The following PIAS2 variants were observed in gnomAD, a reference collection of about 807,000 sequenced individuals.
PIAS2 encodes the protein protein inhibitor of activated STAT 2, also known as E3 SUMO-protein ligase PIAS2.
In PIAS2, 19 loss-of-function variants were observed where a neutral mutation model predicts 69.7. The ratio of observed to expected loss-of-function variants is 0.27; its 90% confidence interval spans 0.19 to 0.40. PIAS2 has a LOEUF of 0.40. Among genes scored for constraint, PIAS2 ranks in the 10% least tolerant of loss-of-function variants. The pLI, the probability that PIAS2 is intolerant of heterozygous loss-of-function variation, is 1.00. For synonymous variants in PIAS2, 261 were observed against 263.2 expected (o/e 0.99, Z 0.08); for missense variants, 624 against 757.0 (o/e 0.82, Z 2.06).
intron 11 of PIAS2, among the ~76,000 whole-genome samples, chr18:46,826,072 T>G (rs930153620): frequency 1.3e-5 from 2 of 152,248 alleles, no homozygotes; most frequent in Non-Finnish European, 2.9e-5. Context: ...TACATCAGCT[T>G]CATGGAACGA....
At chr18:46,853,460 G>C (rs1020468822) in intron 5 of PIAS2, 4 of 152,224 alleles carry the variant, frequency 2.6e-5, no homozygotes, top group African/African-American at 9.7e-5. Flanking sequence ...AAGTAGGGCT[G>C]CTTCTTCCCT....
rs753201292 is a variant in PIAS2, at chr18:46,805,400, G to T, written c.*7033C>A. ...ATAATAATGACCAGAATCAAGGAAG[G>T]CAAGGAACACTGTGAGTCAAAGCTT... is the stretch of plus-strand genomic sequence containing the variant. On this transcript the variant is annotated 3_prime_UTR_variant, in exon 14 of 14. Coordinates refer to ENST00000585916, the MANE Select transcript of PIAS2 (RefSeq NM_004671.5). 1 of 152,198 alleles carries T rather than the reference G, an allele frequency of 6.6e-6. No homozygotes were observed. Among genetic ancestry groups the T allele is most frequent in the Non-Finnish European group, 1.5e-5 (1 of 68,052 alleles). The allele number at this position is 152,198 out of a possible 1,614,324, so 9.4% of individuals were successfully genotyped here.
At chr18:46,840,854 T>C (rs1241427523) in intron 8 of PIAS2, among the ~76,000 whole-genome samples, 1 of 152,218 alleles carries the variant, frequency 6.6e-6, no homozygotes, top group African/African-American at 2.4e-5. Context: ...CTATAAAATG[T>C]TAAGCTGGCA....
At position 46,872,299 on chromosome 18, in the gene PIAS2, T is replaced by C. The variant is rs186870653; in HGVS notation, c.500-8051A>G. Among the ~76,000 whole-genome samples the C allele has an allele frequency of 5.7e-4, 87 of 152,346 alleles. 1 individual carries two copies. The highest frequency in any genetic ancestry group is 1.5e-3 in the Admixed American group (23 of 15,304). On this transcript the variant is annotated intron_variant, in intron 2 of 13. Transcript: ENST00000585916. ...CCATCAATGGTTTACAGTGATAGAC[T>C]TAAAAGACACCTTCTAGGCATGCCC... is the stretch of plus-strand genomic sequence containing the variant.
intron 2 of PIAS2, among the ~76,000 whole-genome samples, chr18:46,886,973 G>A (rs2053310262): frequency 6.6e-6 from 1 of 152,114 alleles, no homozygotes; most frequent in African/African-American, 2.4e-5. Context: ...ATAGCACCCA[G>A]TAAAGGCAAA....
chr18:46,879,357 C>T (rs1273581783), intron 2 of PIAS2, among the ~76,000 whole-genome samples: 1 of 146,316 alleles, frequency 6.8e-6, no homozygotes, highest in East Asian at 2.0e-4. Context: ...AATGCAATGC[C>T]ACCTCACACC....
intron 5 of PIAS2, 102 bp from the exon 6 acceptor site, chr18:46,846,943 T>C (rs2046245332): frequency 2.0e-6 from 2 of 1,019,960 alleles, no homozygotes; most frequent in East Asian, 2.9e-5. Flanking sequence ...AGTTACACTA[T>C]TTTTATTTTA....
chr18:46,863,655 T>C (rs1047301792), intron 3 of PIAS2, among the ~76,000 whole-genome samples: 7 of 152,194 alleles, frequency 4.6e-5, no homozygotes, highest in African/African-American at 1.2e-4. Context: ...CTAAAAGACA[T>C]TGAGGTTTTA....
chr18:46,828,065 C>T lies in PIAS2; in HGVS notation c.1402G>A (p.Asp468Asn). Residue 468 changes from aspartate (D) to asparagine (N), a missense_variant, in exon 11 of 14, where the codon GAT (aspartate) becomes AAT (asparagine). Around this residue, in one of 3 missense-constraint regions of PIAS2, gnomAD observed 241 missense variants for 257.3 expected, o/e 0.94. Transcript: ENST00000585916. ...CTTTCTATTGTAAGATCAATAACAT[C>T]TACTTTCTTCTTGCTTGCCTCACTG... ...VASEASKKKVDVIDLTIESSS... is the reference protein window; with the variant it reads ...VASEASKKKVNVIDLTIESSS... 6.2e-7 allele frequency: 1 copy of T among 1,613,820 alleles called. No homozygotes were observed. The highest frequency in any genetic ancestry group is 8.5e-7 in the Non-Finnish European group (1 of 1,179,842).
At chr18:46,820,845 AT>A in intron 12 of PIAS2, 87 bp downstream of exon 12, 1 of 1,341,912 alleles carries the variant, frequency 7.5e-7, no homozygotes, top group Non-Finnish European at 1.0e-6. Flanking sequence ...TCTACTGAAA[AT>A]TTCAAAACTA....
intron 1 of PIAS2, among the ~76,000 whole-genome samples, chr18:46,899,454 G>C (rs771238138): frequency 6.6e-6 from 1 of 152,202 alleles, no homozygotes; most frequent in African/African-American, 2.4e-5. Flanking sequence ...TGCCGAACCA[G>C]AGTAATCTAG....
At chr18:46,918,974 T>C (rs893491995), upstream of PIAS2, among the ~76,000 whole-genome samples, 3 of 150,884 alleles carry the variant, frequency 2.0e-5, no homozygotes, top group African/African-American at 7.4e-5. Flanking sequence ...AATTGTTTAT[T>C]TGATATATAT....
At chr18:46,828,152 GAAA>G in intron 10 of PIAS2, 22 bp from the exon 11 acceptor site, 1 of 1,556,842 alleles carries the variant, frequency 6.4e-7, no homozygotes, top group Non-Finnish European at 8.7e-7. Flanking sequence ...GAAACAAAAG[GAAA>G]AAAAAATTAA....
chr18:46,868,882 G>A (rs2049899267), intron 2 of PIAS2, among the ~76,000 whole-genome samples: 1 of 152,164 alleles, frequency 6.6e-6, no homozygotes, highest in Non-Finnish European at 1.5e-5. Flanking sequence ...TCAGGGATGA[G>A]GGATCAAGAC....
Position 46,805,405 on chromosome 18 carries a change from G to A in PIAS2, c.*7028C>T, listed in dbSNP as rs1307766170. The A allele has an allele frequency of 6.6e-6, 1 of 152,228 alleles. No individual in the cohort carries two copies. The highest frequency in any genetic ancestry group is 1.5e-5 in the Non-Finnish European group (1 of 68,056). The allele number at this position is 152,228 out of a possible 1,614,324, so 9.4% of individuals were successfully genotyped here. A position where few individuals can be genotyped will look rare whatever the true frequency, so the allele number is the denominator to read the frequency against. On this transcript the variant is annotated 3_prime_UTR_variant, in exon 14 of 14. Transcript: ENST00000585916. ...AATGACCAGAATCAAGGAAGGCAAG[G>A]AACACTGTGAGTCAAAGCTTCCAGC...
At position 46,803,693 on chromosome 18, in the gene PIAS2, T is replaced by C. The variant is rs2040568029; in HGVS notation, c.*8740A>G. 3 of 152,244 alleles carry C rather than the reference T, an allele frequency of 2.0e-5. No homozygotes were observed. Among genetic ancestry groups the C allele is most frequent in the Admixed American group, 1.3e-4 (2 of 15,288 alleles). The allele number at this position is 152,244 out of a possible 1,614,324, so 9.4% of individuals were successfully genotyped here. A position where few individuals can be genotyped will look rare whatever the true frequency, so the allele number is the denominator to read the frequency against. ...TAGCCATCACAGTGAGGATAAATTA[T>C]GTTTACAATTATATTGTAGCACTCT... is the stretch of plus-strand genomic sequence containing the variant. On this transcript the variant is annotated 3_prime_UTR_variant, in exon 14 of 14. Transcript: ENST00000585916.
chr18:46,900,363 TAA>T (rs1365745246), intron 1 of PIAS2, among the ~76,000 whole-genome samples: 1 of 140,234 alleles, frequency 7.1e-6, no homozygotes, highest in Non-Finnish European at 1.6e-5. Flanking sequence ...ACTCCATCTT[TAA>T]AAAAAAAAAA....
At chr18:46,844,997 G>A (rs1599655476) in intron 6 of PIAS2, 158 bp from the exon 7 acceptor site, 2 of 392,634 alleles carry the variant, frequency 5.1e-6, no homozygotes, top group East Asian at 7.5e-5. Context: ...AATTCACCAA[G>A]CTACTTCACT....
intron 1 of PIAS2, among the ~76,000 whole-genome samples, chr18:46,899,939 C>G (rs992710391): frequency 6.6e-6 from 1 of 152,102 alleles, no homozygotes; most frequent in African/African-American, 2.4e-5. Context: ...AATGAAAATG[C>G]TGAGCAATGA....
Sources: allele counts gnomAD v4.1 joint callset (sites outside exome capture counted in the v4.1 genomes callset), GRCh38; gene constraint gnomAD v4.1.1; regional missense constraint gnomAD v4.1.1; transcripts MANE v1.5; gene names NCBI Gene and HGNC (gene_info 2026-07-23, HGNC 2026-07-21).